TRMT2B: variants seen among roughly 807,000 people sequenced by gnomAD.
TRMT2B encodes tRNA (uracil-5-)-methyltransferase homolog B.
Under a neutral mutation model 39.7 loss-of-function variants are expected in TRMT2B, and 34 were observed. That is an observed-to-expected ratio of 0.86 (90% CI 0.65 to 1.14). TRMT2B has a LOEUF of 1.14. Ranked by LOEUF, TRMT2B falls within the 50% of genes most tolerant of loss-of-function variation. The pLI is 0.00. For missense variants in TRMT2B, 318 were observed against 377.2 expected (o/e 0.84, Z 1.30); for synonymous variants, 132 against 137.3 (o/e 0.96, Z 0.27).
intron 7 of TRMT2B, among the ~76,000 whole-genome samples, chrX:101,026,624 G>C (rs1212161292): frequency 9.0e-6 from 1 of 111,297 alleles, no homozygotes. Flanking sequence ...GATGGAAACT[G>C]AAACTCCTGT....
At chrX:101,041,171 T>C (rs2088213624) in intron 4 of TRMT2B, 146 bp downstream of exon 4, 1 of 460,120 alleles carries the variant, frequency 2.2e-6, no homozygotes, top group Non-Finnish European at 3.6e-6. Flanking sequence ...GCCACTGAAC[T>C]GCAGCCTGGG....
At chrX:101,030,544 G>A (rs1159617760) in intron 7 of TRMT2B, among the ~76,000 whole-genome samples, 2 of 99,908 alleles carry the variant, frequency 2.0e-5, no homozygotes, top group Non-Finnish European at 3.9e-5. Context: ...TCCGCCTCCC[G>A]GGTTCAAGCG....
the TRMT2B span, among the ~76,000 whole-genome samples, chrX:100,976,581 G>T: frequency 9.0e-6 from 1 of 111,677 alleles, no homozygotes; most frequent in Admixed American, 9.5e-5. Context: ...CACCTCCCTT[G>T]TCCCTGCAAA....
chrX:100,973,753 T>A, the TRMT2B span: 2 of 1,206,261 alleles, frequency 1.7e-6, no homozygotes, highest in East Asian at 5.9e-5. Context: ...ACGAAGGTAA[T>A]ATTACAATTA....
downstream of TRMT2B, among the ~76,000 whole-genome samples, chrX:101,008,862 C>T (rs1483063338): frequency 9.0e-6 from 1 of 111,239 alleles, no homozygotes; most frequent in African/African-American, 3.3e-5. Context: ...GTAGCCAATC[C>T]TAAACTGTTC....
chrX:101,037,072 G>A lies in TRMT2B; in HGVS notation c.440C>T (p.Pro147Leu), dbSNP rs1378457367. ...SCLLHPIIPS[P>L]VINGYRNKST... The stretch of plus-strand genomic sequence containing the variant: ...CTTATTTCGGTAACCATTGATGACA[G>A]GCTGGAGAGGGCAGAAGGACAGGAG... The change falls in exon 6 of 14, where the codon CCT becomes CTT. Residue 147 changes from proline to leucine, a missense_variant and splice_region_variant. Pro to Leu is a moderately conservative substitution (Grantham distance 98, BLOSUM62 -3). Transcript: ENST00000372936. 1.0e-5 allele frequency: 12 copies of A among 1,191,045 alleles called. No individual in the cohort carries two copies. Among genetic ancestry groups the A allele is most frequent in the Middle Eastern group, 2.3e-4 (1 of 4,334 alleles).
chrX:101,023,033 T>C (rs1315958404), intron 8 of TRMT2B, among the ~76,000 whole-genome samples: 1 of 112,220 alleles, frequency 8.9e-6, no homozygotes, highest in Non-Finnish European at 1.9e-5. Flanking sequence ...CTGCCTACTT[T>C]ACAAGTTTGT....
chrX:100,973,385 C>T, the TRMT2B span, among the ~76,000 whole-genome samples: 1 of 100,608 alleles, frequency 9.9e-6, no homozygotes, highest in African/African-American at 3.6e-5. Context: ...CCCTCGGGCC[C>T]CGCGGGGCCC....
chrX:101,035,514 T>C, intron 7 of TRMT2B, 99 bp downstream of exon 7: 1 of 724,483 alleles, frequency 1.4e-6, no homozygotes, highest in Non-Finnish European at 2.2e-6. Context: ...TCCTTCCCTC[T>C]AGCACTAGAA....
chrX:101,042,339 T>C (rs766664452), intron 2 of TRMT2B, 27 bp from the exon 3 acceptor site: 13 of 1,173,392 alleles, frequency 1.1e-5, no homozygotes, highest in South Asian at 5.9e-5. Flanking sequence ...CATACAGAGG[T>C]TGGGAAATAG....
the TRMT2B span, among the ~76,000 whole-genome samples, chrX:100,992,863 A>C: frequency 9.0e-6 from 1 of 111,515 alleles, no homozygotes; most frequent in Non-Finnish European, 1.9e-5. Flanking sequence ...TTTTCAAACT[A>C]AGGTCCTACT....
At chrX:101,042,338 G>A (rs2088290483) in intron 2 of TRMT2B, 26 bp from the exon 3 acceptor site, 2 of 1,172,693 alleles carry the variant, frequency 1.7e-6, no homozygotes, top group African/African-American at 1.8e-5. Context: ...ACATACAGAG[G>A]TTGGGAAATA....
At chrX:101,038,297 G>A (rs1236807151) in intron 4 of TRMT2B, among the ~76,000 whole-genome samples, 1 of 98,623 alleles carries the variant, frequency 1.0e-5, no homozygotes, top group Non-Finnish European at 2.1e-5. Context: ...GAACCCAGGA[G>A]GTGGAGGTTG....
At chrX:100,976,643 A>G in the TRMT2B span, among the ~76,000 whole-genome samples, 1 of 111,739 alleles carries the variant, frequency 8.9e-6, no homozygotes, top group Non-Finnish European at 1.9e-5. Flanking sequence ...ACGGAGTTTC[A>G]CTCTTGTTGC....
chrX:101,019,500 T>C, intron 11 of TRMT2B, 97 bp from the exon 12 acceptor site: 5 of 1,045,865 alleles, frequency 4.8e-6, no homozygotes, highest in Non-Finnish European at 6.5e-6. Context: ...CTCTGCCATC[T>C]TCCCTTTGGA....
At chrX:101,032,017 C>CG (rs1569482097) in intron 7 of TRMT2B, among the ~76,000 whole-genome samples, 1 of 110,545 alleles carries the variant, frequency 9.0e-6, no homozygotes, top group African/African-American at 3.3e-5. Flanking sequence ...GAGAGGGGAC[C>CG]GGGGGTGCCT....
intron 2 of TRMT2B, among the ~76,000 whole-genome samples, chrX:101,044,537 A>G (rs1252516928): frequency 9.0e-6 from 1 of 111,660 alleles, no homozygotes; most frequent in East Asian, 2.8e-4. Context: ...CCTGGCCAAC[A>G]TAGTGAAACC....
intron 7 of TRMT2B, among the ~76,000 whole-genome samples, chrX:101,029,807 G>C (rs1273017444): frequency 8.9e-6 from 1 of 111,811 alleles, no homozygotes; most frequent in East Asian, 2.8e-4. Context: ...GCCACATCTG[G>C]AGTGACCACA....
At chrX:100,987,367 C>G in the TRMT2B span, 1 of 1,203,975 alleles carries the variant, frequency 8.3e-7, no homozygotes, top group Non-Finnish European at 1.1e-6. Flanking sequence ...AGGTCTGCAG[C>G]CTTCTCTTCT....
Sources: allele counts gnomAD v4.1 joint callset (sites outside exome capture counted in the v4.1 genomes callset), GRCh38; gene constraint gnomAD v4.1.1; transcripts MANE v1.5; gene names NCBI Gene and HGNC (gene_info 2026-07-23, HGNC 2026-07-21).